The following C6orf118 variants were observed in gnomAD, a reference collection of about 807,000 sequenced individuals.
The protein encoded by C6orf118 is uncharacterized protein C6orf118.
C6orf118 carries 50 observed loss-of-function variants against 50.2 expected under a neutral mutation model. The observed-to-expected ratio is 1.00, with a 90% CI of 0.79 to 1.26. C6orf118 has a LOEUF of 1.26. C6orf118 is among the 50% of genes most tolerant of loss of function. C6orf118 has a pLI of 0.00. For missense variants in C6orf118, 641 were observed against 578.7 expected (o/e 1.11, Z -1.10); for synonymous variants, 239 against 230.9 (o/e 1.03, Z -0.32).
rs182198708 is a variant in C6orf118, at chr6:165,288,184, T to A, written c.1302+1702A>T. ...GGCCAACAAGCATATGAAAGAAAGCTCAACATCACTGGTCATCAGAGAAAT... is the reference window on the plus strand; with the variant it reads ...GGCCAACAAGCATATGAAAGAAAGCACAACATCACTGGTCATCAGAGAAAT... On this transcript the variant is annotated intron_variant, in intron 7 of 8. Coordinates refer to ENST00000230301, the MANE Select transcript of C6orf118 (RefSeq NM_144980.4). Among the ~76,000 whole-genome samples the A allele has an allele frequency of 2.8e-4, 43 of 152,232 alleles. 1 individual carries two copies. Among genetic ancestry groups the A allele is most frequent in the Admixed American group, 2.3e-3 (35 of 15,284 alleles).
At position 165,286,881 on chromosome 6, in the gene C6orf118, C is replaced by A. The variant is rs557656582; in HGVS notation, c.1302+3005G>T. Among the ~76,000 whole-genome samples, 3 of 152,210 alleles carry A rather than the reference C, an allele frequency of 2.0e-5. No individual in the cohort carries two copies. In the East Asian group the frequency reaches 5.8e-4, roughly 29 times the overall value. On this transcript the variant is annotated intron_variant, in intron 7 of 8. Coordinates refer to ENST00000230301, the MANE Select transcript of C6orf118 (RefSeq NM_144980.4). ...AACTGGCATGCACAAGATAAGAATG[C>A]CCTCGCTCACCACTCCTATTCAACA... is the stretch of plus-strand genomic sequence containing the variant.
At chr6:165,299,576 T>C in intron 3 of C6orf118, 74 bp from the exon 4 acceptor site, 1 of 1,144,356 alleles carries the variant, frequency 8.7e-7, no homozygotes, top group Non-Finnish European at 1.3e-6. Context: ...CGTGTATAAA[T>C]AATACGGAAG....
intron 5 of C6orf118, among the ~76,000 whole-genome samples, chr6:165,296,203 G>A (rs1562329946): frequency 6.8e-6 from 1 of 148,002 alleles, no homozygotes; most frequent in South Asian, 2.1e-4. Context: ...GGATGCATTT[G>A]CAATGAATTC....
chr6:165,294,277 A>C (rs9457062), intron 5 of C6orf118, among the ~76,000 whole-genome samples: 12,244 of 142,850 alleles, frequency 0.086, 598 homozygotes, highest in African/African-American at 0.14. Flanking sequence ...ACAAAAAAAA[A>C]AAAAGTAAAT....
Position 165,289,873 on chromosome 6 carries a change from A to G in C6orf118, c.1302+13T>C. 3.3e-6 allele frequency: 5 copies of G among 1,529,254 alleles called. No individual in the cohort carries two copies. Among genetic ancestry groups the G allele is most frequent in the Non-Finnish European group, 4.4e-6 (5 of 1,134,768 alleles). The allele number at this position is 1,529,254 out of a possible 1,614,324, so 94.7% of individuals were successfully genotyped here. On this transcript the variant is annotated intron_variant, in intron 7 of 8. Transcript: ENST00000230301. ...AAGAATAATGTAAATATTTAAATAA[A>G]TAAGTTGCGTACCTCTATGCTTTTA...
At chr6:165,303,436 CA>C (rs1780635100) in intron 1 of C6orf118, among the ~76,000 whole-genome samples, 1 of 148,590 alleles carries the variant, frequency 6.7e-6, no homozygotes, top group Non-Finnish European at 1.5e-5. Context: ...CAAACACATT[CA>C]AAAGCTAGCA....
chr6:165,295,473 T>C (rs1192842876), intron 5 of C6orf118, among the ~76,000 whole-genome samples: 1 of 152,188 alleles, frequency 6.6e-6, no homozygotes. Context: ...AGGTAAATCA[T>C]TTGGATTCTC....
chr6:165,292,516 C>CT (rs1324371643), intron 6 of C6orf118, among the ~76,000 whole-genome samples: 2 of 152,052 alleles, frequency 1.3e-5, no homozygotes, highest in African/African-American at 4.8e-5. Context: ...TAAGTTTCTG[C>CT]TTTTTTGTTT....
At chr6:165,284,960 T>C (rs891061655) in intron 7 of C6orf118, among the ~76,000 whole-genome samples, 3 of 152,120 alleles carry the variant, frequency 2.0e-5, no homozygotes, top group Admixed American at 2.0e-4. Flanking sequence ...AATTCACATA[T>C]AACAATATTA....
At chr6:165,301,353 GCTGCACCAAGAGCACTGCACCGAGAACA>G in intron 2 of C6orf118, among the ~76,000 whole-genome samples, 188 bp downstream of exon 2, 1 of 149,798 alleles carries the variant, frequency 6.7e-6, no homozygotes, top group Non-Finnish European at 1.5e-5. Context: ...GCACCCAGAG[GCTGCACCAAGAGCACTGCACCGAGAACA>G]CTGCACCGAG....
chr6:165,297,617 C>G (rs1478927379), intron 5 of C6orf118, among the ~76,000 whole-genome samples: 1 of 151,916 alleles, frequency 6.6e-6, no homozygotes, highest in East Asian at 1.9e-4. Flanking sequence ...GAAAATGATA[C>G]AGAGAGGTTA....
intron 4 of C6orf118, among the ~76,000 whole-genome samples, chr6:165,298,732 T>C (rs958091034): frequency 1.3e-5 from 2 of 152,210 alleles, no homozygotes; most frequent in Non-Finnish European, 2.9e-5. Context: ...GCTGCTTCTG[T>C]GTTATGAAAA....
chr6:165,283,593 G>A (rs2128156791), intron 7 of C6orf118, among the ~76,000 whole-genome samples: 1 of 152,246 alleles, frequency 6.6e-6, no homozygotes, highest in East Asian at 1.9e-4. Flanking sequence ...GTGCTCCTCT[G>A]GGACAAAGCT....
At chr6:165,306,554 AAAAAAAAG>A (rs1396471525) in intron 1 of C6orf118, among the ~76,000 whole-genome samples, 12 of 146,816 alleles carry the variant, frequency 8.2e-5, no homozygotes, top group Middle Eastern at 3.5e-3. Context: ...AAAAAAAAAA[AAAAAAAAG>A]AAATGATTAA....
rs1197022993 is a variant in C6orf118, at chr6:165,297,849, T to C, written c.1061+128A>G. Reference sequence around the variant, plus strand: ...TGTAGAAATAGCCAGATGACAGGCATGATATTAGCAAAAGTAGCATGTTTT... The same window carrying C: ...TGTAGAAATAGCCAGATGACAGGCACGATATTAGCAAAAGTAGCATGTTTT... On this transcript the variant is annotated intron_variant, in intron 5 of 8. Coordinates refer to ENST00000230301, the MANE Select transcript of C6orf118 (RefSeq NM_144980.4). 8 of 1,346,612 alleles carry C rather than the reference T, an allele frequency of 5.9e-6. No individual in the cohort carries two copies. The East Asian group carries it at 1.4e-4, about 23-fold the overall frequency. The allele number at this position is 1,346,612 out of a possible 1,614,324, so 83.4% of individuals were successfully genotyped here.
intron 8 of C6orf118, 112 bp from the exon 9 acceptor site, chr6:165,280,222 G>A (rs1181896226): frequency 1.4e-6 from 1 of 703,154 alleles, no homozygotes; most frequent in Non-Finnish European, 2.3e-6. Context: ...AAACAGACAA[G>A]ATGAGACTTT....
chr6:165,289,836 GTCT>G, intron 7 of C6orf118, 47 bp downstream of exon 7: 1 of 1,313,006 alleles, frequency 7.6e-7, no homozygotes, highest in Non-Finnish European at 1.0e-6. Flanking sequence ...GTTTGCCAAG[GTCT>G]TCAAGCAAAA....
chr6:165,289,289 C>G (rs1308219802), intron 7 of C6orf118, among the ~76,000 whole-genome samples: 2 of 151,982 alleles, frequency 1.3e-5, no homozygotes, highest in Non-Finnish European at 2.9e-5. Flanking sequence ...TCTATATGCT[C>G]TATAATTCTG....
intron 8 of C6orf118, among the ~76,000 whole-genome samples, chr6:165,280,944 A>G (rs1389538396): frequency 6.6e-6 from 1 of 152,202 alleles, no homozygotes; most frequent in South Asian, 2.1e-4. Context: ...AAATCATCAT[A>G]TGGTTTTCCA....
Sources: gnomAD v4.1 joint callset for allele counts (sites outside exome capture counted in the v4.1 genomes callset) on GRCh38, gnomAD v4.1.1 for gene constraint, MANE v1.5 for transcripts, NCBI Gene and HGNC (gene_info 2026-07-23, HGNC 2026-07-21) for gene names.